Variants in ST8SIA4 observed in about 807,000 individuals in gnomAD.
ST8SIA4 encodes CMP-N-acetylneuraminate-poly-alpha-2,8-sialyltransferase.
Under a neutral mutation model 33.9 loss-of-function variants are expected in ST8SIA4, and 15 were observed. The observed-to-expected ratio is 0.44, with a 90% confidence interval of 0.30 to 0.68. The LOEUF is 0.68. ST8SIA4 is among the 30% of genes least tolerant of loss of function. The pLI, the probability that ST8SIA4 is intolerant of heterozygous loss-of-function variation, is 0.10. For missense variants in ST8SIA4, 321 were observed against 428.0 expected, an observed-to-expected ratio of 0.75 and a Z score of 2.21; for synonymous variants, 171 against 151.2, an observed-to-expected ratio of 1.13 and a Z score of -0.96.
chr5:100,887,840 C>A lies in ST8SIA4; in HGVS notation c.246-1240G>T, dbSNP rs544236121. 2.6e-4 allele frequency among the ~76,000 whole-genome samples: 40 copies of A among 152,170 alleles called. 1 individual carries two copies. Among genetic ancestry groups the A allele is most frequent in the Admixed American group, 1.1e-3 (17 of 15,262 alleles). On this transcript the variant is annotated intron_variant, in intron 2 of 4. Transcript: ENST00000231461. ...GTGAAGTCAGGCATAAAATAGCCAA[C>A]TAACTTGCATGCTGAGATGAAAGGG...
At chr5:100,880,556 T>A (rs2112466506) in intron 3 of ST8SIA4, among the ~76,000 whole-genome samples, 1 of 152,288 alleles carries the variant, frequency 6.6e-6, no homozygotes, top group African/African-American at 2.4e-5. Context: ...TGGCAAGATA[T>A]TAGTATTTTA....
intron 4 of ST8SIA4, among the ~76,000 whole-genome samples, chr5:100,820,050 A>C (rs1751006596): frequency 6.6e-6 from 1 of 152,174 alleles, no homozygotes; most frequent in Non-Finnish European, 1.5e-5. Context: ...GGAAAAACTG[A>C]AGCCCAGCCT....
At chr5:100,895,275 T>C (rs916714103) in intron 2 of ST8SIA4, among the ~76,000 whole-genome samples, 2 of 152,178 alleles carry the variant, frequency 1.3e-5, no homozygotes, top group Middle Eastern at 6.8e-3. Context: ...TAGGCTCTAA[T>C]TTTCAGCTAG....
chr5:100,860,159 G>T (rs907287116), intron 3 of ST8SIA4, among the ~76,000 whole-genome samples: 1 of 152,074 alleles, frequency 6.6e-6, no homozygotes, highest in African/African-American at 2.4e-5. Context: ...TAAATAAGAA[G>T]AAAACAATTC....
intron 3 of ST8SIA4, among the ~76,000 whole-genome samples, chr5:100,882,794 T>C (rs1310368710): frequency 6.6e-6 from 1 of 152,252 alleles, no homozygotes; most frequent in African/African-American, 2.4e-5. Flanking sequence ...CCCGAAGCCT[T>C]TGCAGCTCCC....
chr5:100,900,595 T>C (rs1752886301), intron 1 of ST8SIA4: 1 of 433,980 alleles, frequency 2.3e-6, no homozygotes, highest in Admixed American at 2.5e-5. Context: ...TCCAACTCCT[T>C]GCACAGTCTT....
intron 2 of ST8SIA4, among the ~76,000 whole-genome samples, 164 bp from the exon 3 acceptor site, chr5:100,886,764 A>G (rs1340839622): frequency 6.6e-6 from 1 of 152,156 alleles, no homozygotes; most frequent in Admixed American, 6.6e-5. Context: ...TAAACCAATG[A>G]ATTAAGTCGA....
intron 4 of ST8SIA4, among the ~76,000 whole-genome samples, chr5:100,828,516 A>G (rs2544911): frequency 0.91 from 137,781 of 152,142 alleles, 63,070 homozygotes; most frequent in Middle Eastern, 0.98. Flanking sequence ...TCTGTTAGAC[A>G]GAAACATAGG....
In ST8SIA4 at chr5:100,849,451, G is replaced by A. The variant is rs573635887; in HGVS notation, c.797+6652C>T. 3 of 985,148 alleles carry A rather than the reference G, an allele frequency of 3.0e-6. No individual in the cohort carries two copies. The East Asian group carries it at 3.4e-4, about 112-fold the overall frequency. 61.0% of individuals were successfully genotyped at this position (985,148 alleles called of 1,614,324 possible). On this transcript the variant is annotated intron_variant, in intron 4 of 4. Coordinates refer to ENST00000231461, the MANE Select transcript of ST8SIA4 (RefSeq NM_005668.6). ...CCTCTTTAAAATCAAGAAAATTTTC[G>A]CAGAACCTGCAAAATACATATGTGA...
At chr5:100,853,011 T>C (rs996522177) in intron 4 of ST8SIA4, among the ~76,000 whole-genome samples, 2 of 152,212 alleles carry the variant, frequency 1.3e-5, no homozygotes, top group African/African-American at 4.8e-5. Flanking sequence ...CTTTAATTGC[T>C]CATGAGAGGC....
In ST8SIA4 at chr5:100,847,473, C is replaced by T. The variant is rs567350615; in HGVS notation, c.797+8630G>A. 5.5e-4 allele frequency among the ~76,000 whole-genome samples: 83 copies of T among 152,156 alleles called. No homozygotes were observed. The South Asian group carries it at 0.01, about 19-fold the overall frequency. On this transcript the variant is annotated intron_variant, in intron 4 of 4. Coordinates refer to ENST00000231461, the MANE Select transcript of ST8SIA4 (RefSeq NM_005668.6). The stretch of plus-strand genomic sequence containing the variant: ...ATGAAGTTATCCTGCAGAAGGTCAT[C>T]TTCATTTTATATAGACTTTAACCTT...
chr5:100,853,336 C>A (rs1473540884), intron 4 of ST8SIA4, among the ~76,000 whole-genome samples: 5 of 152,154 alleles, frequency 3.3e-5, no homozygotes, highest in African/African-American at 1.2e-4. Context: ...ACCATGTGTA[C>A]AAATTTCCAT....
At chr5:100,818,526 G>C (rs1333356368) in intron 4 of ST8SIA4, among the ~76,000 whole-genome samples, 1 of 152,134 alleles carries the variant, frequency 6.6e-6, no homozygotes, top group Non-Finnish European at 1.5e-5. Context: ...TTGTACCAAA[G>C]GGTATGAATT....
intron 4 of ST8SIA4, among the ~76,000 whole-genome samples, chr5:100,847,300 G>C (rs1751590617): frequency 6.6e-6 from 1 of 151,966 alleles, no homozygotes; most frequent in African/African-American, 2.4e-5. Flanking sequence ...GACTTGAGTT[G>C]ATTGAATACT....
chr5:100,896,952 G>C (rs887124624), intron 1 of ST8SIA4, among the ~76,000 whole-genome samples: 1 of 152,110 alleles, frequency 6.6e-6, no homozygotes, highest in African/African-American at 2.4e-5. Flanking sequence ...TGAGTTCCTA[G>C]ACTCTATTCT....
At chr5:100,826,959 TATAC>T (rs1379381256) in intron 4 of ST8SIA4, among the ~76,000 whole-genome samples, 20 of 133,582 alleles carry the variant, frequency 1.5e-4, no homozygotes, top group African/African-American at 5.4e-4. Context: ...TGTGTGTGTA[TATAC>T]ACACACACAC....
rs368979222 is a variant in ST8SIA4, at chr5:100,852,910, C to T, written c.797+3193G>A. 2.6e-5 allele frequency among the ~76,000 whole-genome samples: 4 copies of T among 152,208 alleles called. No homozygotes were observed. In the East Asian group the frequency reaches 5.8e-4, roughly 22 times the overall value. ...TTCAGGAATCTTGTTTTACAAATCA[C>T]TGAAACTTTTTATTTTAATTGCAGT... is the stretch of plus-strand genomic sequence containing the variant. On this transcript the variant is annotated intron_variant, in intron 4 of 4. Coordinates refer to ENST00000231461, the MANE Select transcript of ST8SIA4 (RefSeq NM_005668.6).
intron 2 of ST8SIA4, among the ~76,000 whole-genome samples, chr5:100,894,421 G>T (rs1440623899): frequency 2.6e-5 from 4 of 151,962 alleles, no homozygotes; most frequent in Non-Finnish European, 5.9e-5. Flanking sequence ...ATTCATTCTT[G>T]TAGGAGGCAC....
rs936984398 is a variant in ST8SIA4 at position 100,829,159 on chromosome 5, T to C, written c.798-17030A>G. On this transcript the variant is annotated intron_variant, in intron 4 of 4. Transcript: ENST00000231461. ...ACCTCACTGCCATGCTCTGCTCTCTTGGGCTAATTGCCAAGAGAATCCCAG... is the reference window on the plus strand; with the variant it reads ...ACCTCACTGCCATGCTCTGCTCTCTCGGGCTAATTGCCAAGAGAATCCCAG... Among the ~76,000 whole-genome samples the C allele has an allele frequency of 2.0e-5, 3 of 152,192 alleles. No homozygotes were observed. The East Asian group carries it at 5.8e-4, about 29-fold the overall frequency.
Sources: allele counts gnomAD v4.1 joint callset (sites outside exome capture counted in the v4.1 genomes callset), GRCh38; gene constraint gnomAD v4.1.1; transcripts MANE v1.5; gene names NCBI Gene and HGNC (gene_info 2026-07-23, HGNC 2026-07-21).